POT1: variants seen among roughly 807,000 people sequenced by gnomAD.
POT1 encodes protection of telomeres 1.
Under a neutral mutation model 78.5 loss-of-function variants are expected in POT1, and 47 were observed. The ratio of observed to expected loss-of-function variants is 0.60; its 90% CI spans 0.47 to 0.76. POT1 has a LOEUF of 0.76. POT1 is among the 30% of genes least tolerant of loss of function. The pLI, the probability that POT1 is intolerant of heterozygous loss-of-function variation, is 0.00. For synonymous variants in POT1, 259 were observed against 260.7 expected, an observed-to-expected ratio of 0.99 and a Z score of 0.06; for missense variants, 646 against 749.9, an observed-to-expected ratio of 0.86 and a Z score of 1.62.
At chr7:124,884,944 A>G (rs1399539091) in intron 6 of POT1, among the ~76,000 whole-genome samples, 5 of 151,908 alleles carry the variant, frequency 3.3e-5, no homozygotes, top group African/African-American at 1.2e-4. Flanking sequence ...CTAAAATTAA[A>G]TTCCCTTATA....
chr7:124,887,265 C>G (rs1796268548), intron 6 of POT1, among the ~76,000 whole-genome samples: 1 of 152,062 alleles, frequency 6.6e-6, no homozygotes, highest in Non-Finnish European at 1.5e-5. Flanking sequence ...TTCTCTACTT[C>G]AACTTTAATG....
At chr7:124,884,077 G>A (rs7795492) in intron 6 of POT1, among the ~76,000 whole-genome samples, 91,251 of 151,718 alleles carry the variant, frequency 0.6, 27,567 homozygotes, top group African/African-American at 0.65. Context: ...TTCATTTAAT[G>A]TGCAACCAGT....
Position 124,822,695 on chromosome 7 carries a change from C to T in POT1, c.*1267G>A, listed in dbSNP as rs529937671. On this transcript the variant is annotated 3_prime_UTR_variant, in exon 19 of 19. Transcript: ENST00000357628. Reference sequence around the variant, plus strand: ...GAGTCTATATTCTTGAAAATAAAATCAGTCTTTCTCATTGTCTCAAACAAG... The same window carrying T: ...GAGTCTATATTCTTGAAAATAAAATTAGTCTTTCTCATTGTCTCAAACAAG... 26 of 283,604 alleles carry T rather than the reference C, an allele frequency of 9.2e-5. No individual in the cohort carries two copies. Among genetic ancestry groups the T allele is most frequent in the African/African-American group, 5.1e-4 (24 of 46,704 alleles). 17.6% of individuals were successfully genotyped at this position (283,604 alleles called of 1,614,324 possible).
chr7:124,908,616 A>C (rs1156808576), intron 3 of POT1, among the ~76,000 whole-genome samples: 1 of 95,030 alleles, frequency 1.1e-5, no homozygotes, highest in Non-Finnish European at 2.3e-5. Context: ...CAATATTCAT[A>C]GTTACATATC....
Position 124,851,926 on chromosome 7 carries a change from C to T in POT1, c.895G>A (p.Ala299Thr), listed in dbSNP as rs149273459. Reference protein sequence around the residue: ...KKDLESANLTANQHSDVICQS... With the variant: ...KKDLESANLTTNQHSDVICQS... The stretch of plus-strand genomic sequence containing the variant: ...CAGATAACATCTGAATGCTGATTGG[C>T]TGTCAAATTTGCAGATTCTAAATCC... The change falls in exon 11 of 19, where the codon GCC becomes ACC. Residue 299 changes from alanine (A) to threonine (T), a missense_variant. Ala to Thr is a moderately conservative substitution (Grantham distance 58). Around this residue, in one of 2 missense-constraint regions of POT1, gnomAD observed 394 missense variants for 408.4 expected, o/e 0.96. Transcript: ENST00000357628. 10 of 1,611,018 alleles carry T rather than the reference C, an allele frequency of 6.2e-6. No homozygotes were observed. Among genetic ancestry groups the T allele is most frequent in the Non-Finnish European group, 7.6e-6 (9 of 1,177,598 alleles).
chr7:124,850,119 T>G (rs1795267601), intron 11 of POT1, among the ~76,000 whole-genome samples: 1 of 152,198 alleles, frequency 6.6e-6, no homozygotes, highest in Non-Finnish European at 1.5e-5. Context: ...TTATACTGTC[T>G]CCAAGTGATT....
intron 5 of POT1, among the ~76,000 whole-genome samples, chr7:124,895,562 A>C (rs75928046): frequency 0.012 from 1,782 of 150,666 alleles, 44 homozygotes; most frequent in African/African-American, 0.039. Context: ...TCCTTCCTTC[A>C]TTCATTCATT....
chr7:124,899,837 A>T (rs1432781642), intron 3 of POT1, among the ~76,000 whole-genome samples: 1 of 152,134 alleles, frequency 6.6e-6, no homozygotes, highest in Non-Finnish European at 1.5e-5. Context: ...AGTACAGATG[A>T]CCATTTTTTT....
At chr7:124,826,871 A>AAAACAAACAAACAAACAAAC (rs61096064) in intron 17 of POT1, among the ~76,000 whole-genome samples, 2 of 150,354 alleles carry the variant, frequency 1.3e-5, no homozygotes, top group African/African-American at 2.5e-5. Context: ...TCCATCTCAA[A>AAAACAAACAAACAAACAAAC]AAACAAACAA....
intron 6 of POT1, among the ~76,000 whole-genome samples, chr7:124,883,242 C>A (rs1272077999): frequency 2.0e-5 from 3 of 151,896 alleles, no homozygotes; most frequent in African/African-American, 7.3e-5. Flanking sequence ...AATATATATT[C>A]AAAAAGCATG....
At chr7:124,882,418 CTT>C (rs917122191) in intron 6 of POT1, among the ~76,000 whole-genome samples, 3 of 151,928 alleles carry the variant, frequency 2.0e-5, no homozygotes, top group Admixed American at 6.6e-5. Flanking sequence ...TAAGAGCACT[CTT>C]TATTTTTCTG....
rs1796603357 is a variant in POT1, at chr7:124,900,887, G to A, written c.-153-2513C>T. On this transcript the variant is annotated intron_variant, in intron 3 of 18. Transcript: ENST00000357628. ...GCTCATCAGGTCCCATGCCCACAGA[G>A]TTTTGCTCATTGCTGGCACAGCAGT... The A allele has an allele frequency of 1.8e-5, 6 of 341,182 alleles. No individual in the cohort carries two copies. The East Asian group carries it at 4.4e-4, about 25-fold the overall frequency. 21.1% of individuals were successfully genotyped at this position (341,182 alleles called of 1,614,324 possible).
chr7:124,842,604 C>G (rs908602543), intron 13 of POT1, among the ~76,000 whole-genome samples: 1 of 151,862 alleles, frequency 6.6e-6, no homozygotes, highest in African/African-American at 2.4e-5. Flanking sequence ...AATTTTAGAT[C>G]TGAAAATAGC....
intron 7 of POT1, among the ~76,000 whole-genome samples, chr7:124,865,989 T>G (rs966850353): frequency 6.6e-6 from 1 of 152,190 alleles, no homozygotes; most frequent in Non-Finnish European, 1.5e-5. Flanking sequence ...TCTTTTTTTC[T>G]TTACTAGACA....
intron 3 of POT1, among the ~76,000 whole-genome samples, chr7:124,899,955 C>G (rs1304725249): frequency 6.6e-6 from 1 of 152,010 alleles, no homozygotes; most frequent in Non-Finnish European, 1.5e-5. Context: ...AGCTGGACAT[C>G]AGCATTCATA....
At chr7:124,866,731 T>C (rs1473740216) in intron 7 of POT1, among the ~76,000 whole-genome samples, 1 of 152,188 alleles carries the variant, frequency 6.6e-6, no homozygotes, top group Non-Finnish European at 1.5e-5. Flanking sequence ...GGGCTCACTT[T>C]ATAAGTTTCT....
chr7:124,879,376 A>G (rs1036102703), intron 6 of POT1, among the ~76,000 whole-genome samples: 9 of 152,182 alleles, frequency 5.9e-5, no homozygotes, highest in Non-Finnish European at 8.8e-5. Flanking sequence ...AGCTAGGGAA[A>G]AAAATCCACC....
chr7:124,879,984 T>C (rs1796080555), intron 6 of POT1, among the ~76,000 whole-genome samples: 1 of 152,110 alleles, frequency 6.6e-6, no homozygotes, highest in Non-Finnish European at 1.5e-5. Context: ...CCAAACACTA[T>C]ACTGGCTATT....
intron 3 of POT1, among the ~76,000 whole-genome samples, chr7:124,914,997 C>T (rs1796983967): frequency 2.0e-5 from 3 of 152,154 alleles, no homozygotes; most frequent in Admixed American, 2.0e-4. Flanking sequence ...TTTCTTCAGA[C>T]CACATTTCTA....
Sources: allele counts gnomAD v4.1 joint callset (sites outside exome capture counted in the v4.1 genomes callset), GRCh38; gene constraint gnomAD v4.1.1; regional missense constraint gnomAD v4.1.1; transcripts MANE v1.5; gene names NCBI Gene and HGNC (gene_info 2026-07-23, HGNC 2026-07-21).